Variants in RASGRP1 observed in about 807,000 individuals in gnomAD.
RASGRP1 encodes RAS guanyl-releasing protein 1.
A neutral mutation model predicts 95.1 loss-of-function variants in RASGRP1; 37 were observed. The observed-to-expected ratio is 0.39, with a 90% CI of 0.30 to 0.51. The LOEUF (loss-of-function observed/expected upper bound fraction) is 0.51, where lower values mean the gene tolerates loss of function less well. RASGRP1 is among the 20% of genes least tolerant of loss of function. RASGRP1 has a pLI of 0.80. For synonymous variants in RASGRP1, 325 were observed against 353.4 expected (o/e 0.92, Z 0.90); for missense variants, 711 against 965.4 (o/e 0.74, Z 3.49).
chr15:38,515,255 C>A (rs1265407047), intron 6 of RASGRP1, among the ~76,000 whole-genome samples: 2 of 152,162 alleles, frequency 1.3e-5, no homozygotes, highest in East Asian at 3.9e-4. Context: ...TCAAGTCAGC[C>A]CTCTGGGCCT....
intron 2 of RASGRP1, among the ~76,000 whole-genome samples, chr15:38,543,905 C>CT (rs1438501993): frequency 1.3e-5 from 2 of 151,878 alleles, no homozygotes; most frequent in Non-Finnish European, 2.9e-5. Context: ...TTCTATTGAT[C>CT]TTTTTTGTTC....
intron 2 of RASGRP1, among the ~76,000 whole-genome samples, chr15:38,526,757 T>G (rs1892241008): frequency 6.6e-6 from 1 of 152,144 alleles, no homozygotes; most frequent in African/African-American, 2.4e-5. Context: ...AGGGAGAGAA[T>G]TCTCTGGGGT....
chr15:38,562,413 G>T (rs947382119), intron 1 of RASGRP1, among the ~76,000 whole-genome samples: 5 of 152,192 alleles, frequency 3.3e-5, no homozygotes, highest in Non-Finnish European at 7.3e-5. Context: ...CAGGCTAGAA[G>T]CCAGCCCCTT....
intron 1 of RASGRP1, among the ~76,000 whole-genome samples, chr15:38,562,483 C>G (rs1893850539): frequency 6.6e-6 from 1 of 152,204 alleles, no homozygotes; most frequent in South Asian, 2.1e-4. Flanking sequence ...ACTAACAACT[C>G]TCTACACCTG....
intron 2 of RASGRP1, among the ~76,000 whole-genome samples, chr15:38,546,993 T>C (rs1482449266): frequency 6.6e-6 from 1 of 152,226 alleles, no homozygotes; most frequent in Non-Finnish European, 1.5e-5. Flanking sequence ...TTCTGCTAAT[T>C]ATGCTATTTC....
chr15:38,502,973 C>T (rs1891098790), intron 11 of RASGRP1: 1 of 429,906 alleles, frequency 2.3e-6, no homozygotes, highest in South Asian at 3.6e-5. Flanking sequence ...TACCTGATTA[C>T]CCCTTACTAT....
At position 38,559,936 on chromosome 15, in the gene RASGRP1, G is replaced by C; in HGVS notation, c.105C>G (p.Phe35Leu). Residue 35 changes from phenylalanine (F) to leucine (L), a missense_variant, in exon 2 of 17, where the codon TTC becomes TTG. Around this residue, in one of 3 missense-constraint regions of RASGRP1, gnomAD observed 491 missense variants for 676.6 expected, o/e 0.73. Coordinates refer to ENST00000310803, the MANE Select transcript of RASGRP1 (RefSeq NM_005739.4). ...TGTGGGCCAAGCTGGGATGGGAGGG[G>C]AAGGGGCTGTTGGCTGGCTTTGCCT... The part of the protein sequence containing the change: ...RLEAKPANSP[F>L]PSHPSLAHIT... 6.2e-7 allele frequency: 1 copy of C among 1,613,698 alleles called. No homozygotes were observed. The highest frequency in any genetic ancestry group is 8.5e-7 in the Non-Finnish European group (1 of 1,179,682).
chr15:38,553,620 A>G (rs1188393853), intron 2 of RASGRP1, among the ~76,000 whole-genome samples: 1 of 152,234 alleles, frequency 6.6e-6, no homozygotes, highest in Non-Finnish European at 1.5e-5. Flanking sequence ...AATGTACACT[A>G]GGAATATGGC....
intron 3 of RASGRP1, 74 bp downstream of exon 3, chr15:38,526,225 G>C: frequency 8.5e-7 from 1 of 1,180,680 alleles, no homozygotes; most frequent in African/African-American, 1.5e-5. Flanking sequence ...AAAAATAAAA[G>C]CATACTTCAA....
intron 7 of RASGRP1, 146 bp from the exon 8 acceptor site, chr15:38,511,866 G>A: frequency 1.6e-6 from 1 of 616,330 alleles, no homozygotes; most frequent in Non-Finnish European, 2.9e-6. Flanking sequence ...TCCTGTCCAT[G>A]TCTCCCCTTC....
intron 1 of RASGRP1, 131 bp downstream of exon 1, chr15:38,564,463 T>G: frequency 1.5e-6 from 1 of 683,956 alleles, no homozygotes; most frequent in Non-Finnish European, 1.9e-6. Context: ...CGCGCTGGTG[T>G]CCCGGGACTC....
chr15:38,490,553 GC>G lies in RASGRP1; in HGVS notation c.2394del (p.Ter798TyrfsTer6), dbSNP rs1237333061. 1.9e-6 allele frequency: 3 copies of G among 1,594,266 alleles called. No homozygotes were observed. The highest frequency in any genetic ancestry group is 2.7e-5 in the African/African-American group (2 of 74,080). On this transcript the variant is annotated frameshift_variant and stop_lost, in exon 17 of 17. Coordinates refer to ENST00000310803, the MANE Select transcript of RASGRP1 (RefSeq NM_005739.4). LOFTEE classifies it high-confidence loss of function. Reference sequence around the variant, plus strand: ...ACAGATTGTGCTACTTAGTTTCTGGGCTAAGAACAGTCACCCTGCTCCATTT... The same window carrying G: ...ACAGATTGTGCTACTTAGTTTCTGGGTAAGAACAGTCACCCTGCTCCATTT... ...LAQMEQGDCS[*>X]
intron 2 of RASGRP1, among the ~76,000 whole-genome samples, chr15:38,550,789 C>T (rs977615959): frequency 6.6e-6 from 1 of 151,970 alleles, no homozygotes; most frequent in East Asian, 1.9e-4. Context: ...AAAGGCACAC[C>T]CATGAAAGTT....
chr15:38,551,279 T>G (rs970083915), intron 2 of RASGRP1, among the ~76,000 whole-genome samples: 1 of 152,184 alleles, frequency 6.6e-6, no homozygotes, highest in African/African-American at 2.4e-5. Flanking sequence ...CTGAAGGACT[T>G]TCTTCAAGTT....
chr15:38,562,606 G>A (rs1014622449), intron 1 of RASGRP1, among the ~76,000 whole-genome samples: 7 of 152,176 alleles, frequency 4.6e-5, no homozygotes, highest in African/African-American at 1.7e-4. Flanking sequence ...AAAAAATAAA[G>A]TCATTCATTG....
chr15:38,559,262 T>C (rs565956498), intron 2 of RASGRP1, among the ~76,000 whole-genome samples: 2 of 152,352 alleles, frequency 1.3e-5, no homozygotes, highest in South Asian at 4.1e-4. Flanking sequence ...GTGCAGCGTC[T>C]GAAATGTGCG....
intron 2 of RASGRP1, among the ~76,000 whole-genome samples, chr15:38,540,775 G>A (rs1412866626): frequency 6.6e-6 from 1 of 152,204 alleles, no homozygotes; most frequent in African/African-American, 2.4e-5. Context: ...AGAACAAGGT[G>A]TCCTCAAATA....
intron 2 of RASGRP1, among the ~76,000 whole-genome samples, chr15:38,528,799 T>C (rs1457222447): frequency 1.3e-5 from 2 of 152,242 alleles, no homozygotes; most frequent in Admixed American, 1.3e-4. Flanking sequence ...TGCTGATGAC[T>C]GCCCAACTGG....
chr15:38,562,074 T>C (rs1595889035), intron 1 of RASGRP1, among the ~76,000 whole-genome samples: 1 of 152,280 alleles, frequency 6.6e-6, no homozygotes, highest in Middle Eastern at 3.4e-3. Context: ...AACCTGAGAT[T>C]TGTACCCAGC....
Sources: allele counts gnomAD v4.1 joint callset (sites outside exome capture counted in the v4.1 genomes callset), GRCh38; gene constraint gnomAD v4.1.1; regional missense constraint gnomAD v4.1.1; transcripts MANE v1.5; gene names NCBI Gene and HGNC (gene_info 2026-07-23, HGNC 2026-07-21).